Variants in CORO2B observed in about 807,000 individuals in gnomAD.
The protein encoded by CORO2B is coronin-2B.
In CORO2B, 26 loss-of-function variants were observed where a neutral mutation model predicts 58.8. The observed-to-expected ratio is 0.44, with a 90% confidence interval of 0.32 to 0.61. The LOEUF (loss-of-function observed/expected upper bound fraction) is 0.61, where lower values mean the gene tolerates loss of function less well. Among genes scored for constraint, CORO2B ranks in the 20% least tolerant of loss-of-function variants. CORO2B has a pLI of 0.04. For synonymous variants in CORO2B, 242 were observed against 253.8 expected, an observed-to-expected ratio of 0.95 and a Z score of 0.44; for missense variants, 460 against 645.1, an observed-to-expected ratio of 0.71 and a Z score of 3.11.
intron 1 of CORO2B, among the ~76,000 whole-genome samples, chr15:68,625,181 G>A (rs143817037): frequency 9.2e-5 from 14 of 152,098 alleles, no homozygotes; most frequent in Middle Eastern, 3.4e-3. Context: ...GCCACGCAGG[G>A]TTTAGGAATC....
chr15:68,691,624 C>CAAAA (rs57879519), intron 2 of CORO2B, among the ~76,000 whole-genome samples: 8,068 of 25,586 alleles, frequency 0.32, 1,282 homozygotes, highest in East Asian at 0.56. Flanking sequence ...GACTCCGTCT[C>CAAAA]AAAAAAAAAA....
At chr15:68,607,147 C>T (rs1217574722) in intron 1 of CORO2B, among the ~76,000 whole-genome samples, 1 of 152,130 alleles carries the variant, frequency 6.6e-6, no homozygotes, top group Non-Finnish European at 1.5e-5. Flanking sequence ...TAGTTTGTCT[C>T]TGTTCCACCA....
rs188254159 is a variant in CORO2B at position 68,621,978 on chromosome 15, C to T, written c.16-23182C>T. On this transcript the variant is annotated intron_variant, in intron 1 of 11. Transcript: ENST00000261861. ...ATAGGTTCTCACTATGTTGCCCAGG[C>T]TGGTATCAAACTCCTGGGCTCAAGT... 1.8e-3 allele frequency among the ~76,000 whole-genome samples: 280 copies of T among 152,098 alleles called. 1 individual carries two copies. The highest frequency in any genetic ancestry group is 6.1e-3 in the African/African-American group (251 of 41,468).
intron 2 of CORO2B, among the ~76,000 whole-genome samples, chr15:68,654,504 G>C (rs908642314): frequency 6.6e-6 from 1 of 152,218 alleles, no homozygotes; most frequent in African/African-American, 2.4e-5. Context: ...GGCCTCTGAA[G>C]CATCTGGCAG....
chr15:68,645,328 G>A lies in CORO2B; in HGVS notation c.184G>A (p.Gly62Ser), dbSNP rs1901388630. ...GGCCATCGTCACCGAGAGCGCAGGG[G>A]GCGGCTCCTTCCTCGTCATCCCCCT... The part of the protein sequence containing the change: ...FLAIVTESAG[G>S]GSFLVIPLEQ... Residue 62 changes from glycine (G) to serine (S), a missense_variant, in exon 2 of 12, where the codon GGC (glycine) becomes AGC (serine). Physicochemically the swap from Gly to Ser is moderately conservative, Grantham distance 56. Around this residue, in one of 2 missense-constraint regions of CORO2B, gnomAD observed 352 missense variants for 543.0 expected, o/e 0.65. Coordinates refer to ENST00000261861, the MANE Select transcript of CORO2B (RefSeq NM_006091.5). This position sits in a 1 kb window ranked among gnomAD's most constrained non-coding sequence, Gnocchi z 4.5. 1 of 1,612,622 alleles carries A rather than the reference G, an allele frequency of 6.2e-7. No homozygotes were observed. Among genetic ancestry groups the A allele is most frequent in the African/African-American group, 1.3e-5 (1 of 74,890 alleles).
the CORO2B span, among the ~76,000 whole-genome samples, chr15:68,570,820 T>A: frequency 6.7e-6 from 1 of 148,270 alleles, no homozygotes; most frequent in Non-Finnish European, 1.5e-5. Context: ...TTTTTTTTTT[T>A]TTTTTAGAGA....
Position 68,611,399 on chromosome 15 carries a change from G to GT in CORO2B, c.15+32130dup, listed in dbSNP as rs199581053. Among the ~76,000 whole-genome samples the GT allele has an allele frequency of 5.9e-5, 9 of 151,882 alleles. No homozygotes were observed. The South Asian group carries it at 8.3e-4, about 14-fold the overall frequency. Reference sequence around the variant, plus strand: ...GTGTTTTCCTTTCACTTGTTTGTTTGTTTTTTTTCCCCTATGACTGTATAT... The same window carrying GT: ...GTGTTTTCCTTTCACTTGTTTGTTTGTTTTTTTTTCCCCTATGACTGTATAT... On this transcript the variant is annotated intron_variant, in intron 1 of 11. Transcript: ENST00000261861.
At chr15:68,546,291 A>T in the CORO2B span, among the ~76,000 whole-genome samples, 1 of 152,140 alleles carries the variant, frequency 6.6e-6, no homozygotes, top group African/African-American at 2.4e-5. Flanking sequence ...TTGCTTTAAG[A>T]TTCCACCATC....
At chr15:68,610,269 GCGCCT>G (rs1900216625) in intron 1 of CORO2B, among the ~76,000 whole-genome samples, 1 of 152,170 alleles carries the variant, frequency 6.6e-6, no homozygotes. Flanking sequence ...AGGTTCTCTA[GCGCCT>G]CGCCTCGTTT....
chr15:68,686,038 CTTTTTTTT>C (rs1236025227), intron 2 of CORO2B, among the ~76,000 whole-genome samples: 2 of 68,370 alleles, frequency 2.9e-5, no homozygotes, highest in African/African-American at 9.9e-5. Context: ...TTTTTTTTTT[CTTTTTTTT>C]TTTTTTTTGA....
chr15:68,538,104 T>C, the CORO2B span, among the ~76,000 whole-genome samples: 2 of 152,246 alleles, frequency 1.3e-5, no homozygotes, highest in African/African-American at 4.8e-5. Flanking sequence ...ATTTTGTTTT[T>C]TTCTCTAGTA....
chr15:68,560,798 G>A, the CORO2B span, among the ~76,000 whole-genome samples: 3 of 152,176 alleles, frequency 2.0e-5, no homozygotes, highest in Admixed American at 6.5e-5. Context: ...CTAGGCATAA[G>A]CCAGTGATCT....
chr15:68,637,850 C>T (rs1901080922), intron 1 of CORO2B, among the ~76,000 whole-genome samples: 1 of 152,182 alleles, frequency 6.6e-6, no homozygotes, highest in African/African-American at 2.4e-5. Context: ...AAAAACTGCT[C>T]TCTTACATTT....
chr15:68,533,148 A>G, the CORO2B span, among the ~76,000 whole-genome samples: 3 of 152,220 alleles, frequency 2.0e-5, no homozygotes, highest in Non-Finnish European at 4.4e-5. Flanking sequence ...ATGTGCCTCT[A>G]GACACAAATC....
At chr15:68,716,605 G>C (rs755444338) in intron 8 of CORO2B, among the ~76,000 whole-genome samples, 14 of 152,196 alleles carry the variant, frequency 9.2e-5, no homozygotes, top group Non-Finnish European at 1.8e-4. Context: ...GAGTCAAATG[G>C]TGTGCTAGAA....
chr15:68,583,017 T>A (rs1289481639), intron 1 of CORO2B, among the ~76,000 whole-genome samples: 1 of 152,120 alleles, frequency 6.6e-6, no homozygotes, highest in Admixed American at 6.5e-5. Flanking sequence ...CATGCCAACA[T>A]GCTCCTCCCT....
At chr15:68,657,798 A>G (rs1003906339) in intron 2 of CORO2B, among the ~76,000 whole-genome samples, 1 of 152,242 alleles carries the variant, frequency 6.6e-6, no homozygotes, top group Non-Finnish European at 1.5e-5. Flanking sequence ...GTGAGGTTTC[A>G]GTTAGAGGCT....
chr15:68,575,803 C>T (rs1044526379), upstream of CORO2B, among the ~76,000 whole-genome samples: 2 of 151,950 alleles, frequency 1.3e-5, no homozygotes, highest in African/African-American at 2.4e-5. Flanking sequence ...CTAAGATGGG[C>T]TATGTTACTG....
At position 68,719,661 on chromosome 15, in the gene CORO2B, T is replaced by C. The variant is rs560629679; in HGVS notation, c.1311+109T>C. 4 of 1,287,608 alleles carry C rather than the reference T, an allele frequency of 3.1e-6. No individual in the cohort carries two copies. The African/African-American group carries it at 6.0e-5, about 19-fold the overall frequency. 79.8% of individuals were successfully genotyped at this position (1,287,608 alleles called of 1,614,324 possible). A position where few individuals can be genotyped will look rare whatever the true frequency, so the allele number is the denominator to read the frequency against. On this transcript the variant is annotated intron_variant, in intron 11 of 11. Transcript: ENST00000261861. The stretch of plus-strand genomic sequence containing the variant: ...CAGTTCCATTCTGAGACATTTTTCT[T>C]TCTGTGACAAATGCCATAAGTAGCC...
Sources: gnomAD v4.1 joint callset for allele counts (sites outside exome capture counted in the v4.1 genomes callset) on GRCh38, gnomAD v4.1.1 for gene constraint, gnomAD v4.1.1 regional missense constraint, Gnocchi (gnomAD v3.1) non-coding constraint, MANE v1.5 for transcripts, NCBI Gene and HGNC (gene_info 2026-07-23, HGNC 2026-07-21) for gene names.